Variants in PRKG1 observed in about 807,000 individuals in gnomAD.
PRKG1 encodes the protein cGMP-dependent protein kinase 1.
In PRKG1, 35 loss-of-function variants were observed where a neutral mutation model predicts 88.1. That is an observed-to-expected ratio of 0.40 (90% CI 0.30 to 0.53). The LOEUF (loss-of-function observed/expected upper bound fraction) is 0.53. Ranked by LOEUF, PRKG1 falls within the 20% of genes least tolerant of loss-of-function variation. The pLI, the probability that PRKG1 is intolerant of heterozygous loss-of-function variation, is 0.59. For missense variants in PRKG1, 540 were observed against 839.8 expected (o/e 0.64, Z 4.41); for synonymous variants, 303 against 292.5 (o/e 1.04, Z -0.37).
At chr10:51,676,570 A>G (rs1358745064) in intron 3 of PRKG1, among the ~76,000 whole-genome samples, 1 of 152,192 alleles carries the variant, frequency 6.6e-6, no homozygotes, top group African/African-American at 2.4e-5. Flanking sequence ...GTGAAGAACC[A>G]ATCAGCAGCA....
chr10:51,368,700 A>C (rs1383262937), intron 2 of PRKG1, among the ~76,000 whole-genome samples: 5 of 152,162 alleles, frequency 3.3e-5, no homozygotes, highest in Non-Finnish European at 7.4e-5. Context: ...TCAAGACTAA[A>C]GAGTACTAGA....
rs1053914137 is a variant in PRKG1 at position 52,158,711 on chromosome 10, G to A, written c.1002-3178G>A. 3.3e-5 allele frequency among the ~76,000 whole-genome samples: 5 copies of A among 151,622 alleles called. No homozygotes were observed. In the South Asian group the frequency reaches 8.3e-4, roughly 25 times the overall value. Reference sequence around the variant, plus strand: ...TATCAGCAAGACACATTTGTTTAACGTTTCAGAAAATGTATTCTTTTGGCT... The same window carrying A: ...TATCAGCAAGACACATTTGTTTAACATTTCAGAAAATGTATTCTTTTGGCT... On this transcript the variant is annotated intron_variant, in intron 8 of 17. Transcript: ENST00000373980.
intron 5 of PRKG1, among the ~76,000 whole-genome samples, chr10:52,050,585 G>A (rs758331351): frequency 1.4e-4 from 21 of 152,000 alleles, no homozygotes; most frequent in Non-Finnish European, 2.5e-4. Flanking sequence ...CTGGTGTTAC[G>A]ACACCATAAA....
intron 2 of PRKG1, among the ~76,000 whole-genome samples, chr10:51,459,332 T>G (rs897139910): frequency 1.3e-5 from 2 of 152,146 alleles, no homozygotes; most frequent in Non-Finnish European, 2.9e-5. Context: ...TTTTACCAAG[T>G]CTTTCAGTCT....
intron 7 of PRKG1, among the ~76,000 whole-genome samples, chr10:52,078,299 A>C (rs936244710): frequency 2.0e-5 from 3 of 152,208 alleles, no homozygotes; most frequent in African/African-American, 7.2e-5. Context: ...AAATTGATAA[A>C]ATTTTAAAAT....
chr10:51,677,828 C>T (rs1375518712), intron 3 of PRKG1, among the ~76,000 whole-genome samples: 2 of 152,052 alleles, frequency 1.3e-5, no homozygotes, highest in South Asian at 4.1e-4. Context: ...TTAACAAATC[C>T]CTGGTTTGCG....
chr10:51,690,926 CAAAAAAAAAA>C (rs942329676), intron 3 of PRKG1, among the ~76,000 whole-genome samples: 10 of 37,738 alleles, frequency 2.6e-4, no homozygotes, highest in East Asian at 1.8e-3. Context: ...GACTCTGTCT[CAAAAAAAAAA>C]AAAAAAAAAA....
At position 52,251,636 on chromosome 10, in the gene PRKG1, T is replaced by A. The variant is rs753459032; in HGVS notation, c.1143T>A (p.Leu381=). 6 of 1,613,432 alleles carry A rather than the reference T, an allele frequency of 3.7e-6. No homozygotes were observed. Among genetic ancestry groups the A allele is most frequent in the Non-Finnish European group, 5.1e-6 (6 of 1,179,600 alleles). The change falls in exon 10 of 18, where the codon CTT becomes CTA. Residue 381 remains leucine, a synonymous_variant. Transcript: ENST00000373980. ...CTGATTTCAACATCATTGATACCCT[T>A]GGAGTTGGAGGTTTCGGACGAGTAG... The part of the protein sequence containing the change: ...KLSDFNIIDT[L]GVGGFGRVEL...
intron 2 of PRKG1, among the ~76,000 whole-genome samples, chr10:51,238,821 A>G (rs1028945228): frequency 6.6e-5 from 10 of 151,914 alleles, no homozygotes; most frequent in African/African-American, 2.4e-4. Flanking sequence ...CATTTAGAAT[A>G]TAAAGAGCTG....
chr10:51,812,384 ACACTGG>A (rs2132625760), intron 4 of PRKG1, among the ~76,000 whole-genome samples: 1 of 152,320 alleles, frequency 6.6e-6, no homozygotes, highest in East Asian at 1.9e-4. Flanking sequence ...AACTTTTGAA[ACACTGG>A]TTGTGCGATG....
At chr10:51,453,673 A>C (rs1419603669) in intron 2 of PRKG1, among the ~76,000 whole-genome samples, 2 of 151,958 alleles carry the variant, frequency 1.3e-5, no homozygotes, top group Non-Finnish European at 2.9e-5. Context: ...CTGAGAGGAC[A>C]CTTGATATAA....
intron 3 of PRKG1, among the ~76,000 whole-genome samples, chr10:51,711,781 T>C (rs1169366799): frequency 6.6e-6 from 1 of 152,168 alleles, no homozygotes; most frequent in Non-Finnish European, 1.5e-5. Context: ...AAAAGTTAAA[T>C]TGGTGGAGAG....
intron 5 of PRKG1, among the ~76,000 whole-genome samples, chr10:51,948,213 A>C (rs1406085491): frequency 6.6e-6 from 1 of 152,174 alleles, no homozygotes; most frequent in Non-Finnish European, 1.5e-5. Flanking sequence ...TCATGTACTG[A>C]GAATATTTTA....
chr10:51,543,649 G>T (rs1396595709), intron 3 of PRKG1, among the ~76,000 whole-genome samples: 1 of 152,168 alleles, frequency 6.6e-6, no homozygotes, highest in Non-Finnish European at 1.5e-5. Context: ...TACCATTTGA[G>T]GTCTCAGTGA....
intron 5 of PRKG1, among the ~76,000 whole-genome samples, chr10:51,922,106 G>T (rs1842474998): frequency 6.6e-6 from 1 of 151,788 alleles, no homozygotes; most frequent in African/African-American, 2.4e-5. Context: ...GGACTACTTA[G>T]ATTATATCTC....
In PRKG1 at chr10:51,392,763, GA is replaced by G. The variant is rs1837447107; in HGVS notation, c.479-74959del. On this transcript the variant is annotated intron_variant, in intron 2 of 17. Transcript: ENST00000373980. ...GGGGCGGCTGGCCGGGCGGGGGGCT[GA>G]CCACCCCCACCTCCCTCCCGGACGG... Among the ~76,000 whole-genome samples the G allele has an allele frequency of 7.3e-5, 10 of 137,236 alleles. No individual in the cohort carries two copies. In the South Asian group the frequency reaches 2.0e-3, roughly 28 times the overall value. 90.0% of individuals were successfully genotyped at this position (137,236 alleles called of 152,430 possible).
chr10:51,708,221 G>A (rs117239875), intron 3 of PRKG1, among the ~76,000 whole-genome samples: 7,544 of 152,118 alleles, frequency 0.05, 295 homozygotes, highest in Non-Finnish European at 0.074. Context: ...GTGTCCTCGC[G>A]TCACCTGCTG....
intron 1 of PRKG1, among the ~76,000 whole-genome samples, chr10:51,138,422 CTT>C (rs1260151227): frequency 6.6e-6 from 1 of 152,124 alleles, no homozygotes; most frequent in African/African-American, 2.4e-5. Flanking sequence ...TATTGAGTCT[CTT>C]TCACGTTCAC....
At chr10:52,150,587 T>A (rs1302575830) in intron 8 of PRKG1, among the ~76,000 whole-genome samples, 1 of 152,168 alleles carries the variant, frequency 6.6e-6, no homozygotes, top group Non-Finnish European at 1.5e-5. Flanking sequence ...TTCTAATTAT[T>A]TTTTGGGAAA....
Sources: gnomAD v4.1 joint callset for allele counts (sites outside exome capture counted in the v4.1 genomes callset) on GRCh38, gnomAD v4.1.1 for gene constraint, MANE v1.5 for transcripts, NCBI Gene and HGNC (gene_info 2026-07-23, HGNC 2026-07-21) for gene names.